The following FAM114A1 variants were observed in gnomAD, a reference collection of about 807,000 sequenced individuals.
FAM114A1 encodes family with sequence similarity 114 member A1.
Under a neutral mutation model 64.3 loss-of-function variants are expected in FAM114A1, and 62 were observed. That is an observed-to-expected ratio of 0.96 (90% confidence interval 0.79 to 1.19). The LOEUF is 1.19. FAM114A1 is among the 50% of genes most tolerant of loss of function. FAM114A1 has a pLI of 0.00. For missense variants in FAM114A1, 645 were observed against 676.3 expected, an observed-to-expected ratio of 0.95 and a Z score of 0.51; for synonymous variants, 254 against 251.1, an observed-to-expected ratio of 1.01 and a Z score of -0.11.
At chr4:38,901,534 C>G (rs974109314) in intron 4 of FAM114A1, among the ~76,000 whole-genome samples, 2 of 152,156 alleles carry the variant, frequency 1.3e-5, no homozygotes, top group Non-Finnish European at 2.9e-5. Flanking sequence ...TCAGGTGATC[C>G]GCCTACCTCG....
chr4:38,905,471 C>A, intron 4 of FAM114A1, 51 bp from the exon 5 acceptor site: 2 of 1,299,414 alleles, frequency 1.5e-6, no homozygotes, highest in Non-Finnish European at 2.2e-6. Context: ...GGAGGATTTG[C>A]AGACCGTGGA....
Position 38,929,053 on chromosome 4 carries a change from C to T in FAM114A1, c.1070-189C>T, listed in dbSNP as rs975874502. On this transcript the variant is annotated intron_variant, in intron 9 of 14. Coordinates refer to ENST00000358869, the MANE Select transcript of FAM114A1 (RefSeq NM_138389.4). ...AGCAAGACTTCAGCGGCCCTGCACC[C>T]GGATGCATCTGCTGCCTCACTGCCA... 5.3e-5 allele frequency: 30 copies of T among 569,590 alleles called. 1 individual carries two copies. Among genetic ancestry groups the T allele is most frequent in the East Asian group, 5.0e-4 (16 of 32,138 alleles). The allele number at this position is 569,590 out of a possible 1,614,324, so 35.3% of individuals were successfully genotyped here. A position where few individuals can be genotyped will look rare whatever the true frequency, so the allele number is the denominator to read the frequency against.
At chr4:38,881,417 C>T (rs369288034) in intron 3 of FAM114A1, among the ~76,000 whole-genome samples, 1 of 152,070 alleles carries the variant, frequency 6.6e-6, no homozygotes, top group Non-Finnish European at 1.5e-5. Flanking sequence ...TAGAGCACCA[C>T]GGAATTACCT....
intron 2 of FAM114A1, among the ~76,000 whole-genome samples, chr4:38,872,310 T>C (rs1291269238): frequency 6.6e-6 from 1 of 152,204 alleles, no homozygotes; most frequent in Non-Finnish European, 1.5e-5. Context: ...TCACATAGTA[T>C]ATGCTGAACT....
intron 8 of FAM114A1, among the ~76,000 whole-genome samples, chr4:38,921,162 T>G (rs1425567875): frequency 6.6e-6 from 1 of 152,222 alleles, no homozygotes; most frequent in African/African-American, 2.4e-5. Flanking sequence ...AAATAAAACT[T>G]TACTACTTTA....
chr4:38,912,559 TTTTTAGTAGAGACAGGG>T (rs1376065427), intron 7 of FAM114A1, among the ~76,000 whole-genome samples: 1 of 152,120 alleles, frequency 6.6e-6, no homozygotes, highest in Non-Finnish European at 1.5e-5. Flanking sequence ...ATTTTTTGAA[TTTTTAGTAGAGACAGGG>T]TTTCATCATA....
chr4:38,920,693 T>G (rs905694060), intron 8 of FAM114A1, among the ~76,000 whole-genome samples: 4 of 152,142 alleles, frequency 2.6e-5, no homozygotes, highest in Non-Finnish European at 4.4e-5. Context: ...TCAAACACAT[T>G]TATTCAATAA....
intron 14 of FAM114A1, among the ~76,000 whole-genome samples, chr4:38,941,966 G>A (rs931940303): frequency 9.8e-5 from 15 of 152,304 alleles, no homozygotes; most frequent in African/African-American, 2.4e-4. Context: ...ACAATTCCAC[G>A]TGGCTGGGGA....
At chr4:38,923,596 T>A (rs9995323) in intron 9 of FAM114A1, among the ~76,000 whole-genome samples, 2 of 152,082 alleles carry the variant, frequency 1.3e-5, no homozygotes, top group Non-Finnish European at 2.9e-5. Flanking sequence ...GGCAAATCTT[T>A]CCCTGAATTT....
intron 2 of FAM114A1, among the ~76,000 whole-genome samples, chr4:38,869,893 A>G (rs1230382370): frequency 6.6e-6 from 1 of 152,204 alleles, no homozygotes; most frequent in Admixed American, 6.5e-5. Context: ...TTGAAAGATG[A>G]AGGCAGTCCT....
intron 11 of FAM114A1, 74 bp from the exon 12 acceptor site, chr4:38,932,161 T>C: frequency 6.7e-7 from 1 of 1,488,384 alleles, no homozygotes; most frequent in Non-Finnish European, 9.1e-7. Context: ...TTATATCACT[T>C]CTAATGTCAC....
At chr4:38,912,315 A>G (rs886768571) in intron 7 of FAM114A1, among the ~76,000 whole-genome samples, 10 of 152,098 alleles carry the variant, frequency 6.6e-5, no homozygotes, top group African/African-American at 2.4e-4. Flanking sequence ...TAGTGGGAAA[A>G]TAGAACCAGC....
intron 8 of FAM114A1, among the ~76,000 whole-genome samples, chr4:38,916,901 CTA>C (rs1469837308): frequency 3.9e-5 from 6 of 152,128 alleles, no homozygotes; most frequent in Non-Finnish European, 8.8e-5. Flanking sequence ...ATTCACATGA[CTA>C]TTGACAACAA....
At chr4:38,890,231 C>T (rs1716197309) in intron 3 of FAM114A1, among the ~76,000 whole-genome samples, 1 of 151,862 alleles carries the variant, frequency 6.6e-6, no homozygotes, top group Non-Finnish European at 1.5e-5. Flanking sequence ...GGTGAAACCT[C>T]GTCTCTACTA....
chr4:38,909,530 A>G (rs935351380), intron 7 of FAM114A1, among the ~76,000 whole-genome samples: 28 of 150,476 alleles, frequency 1.9e-4, no homozygotes, highest in Admixed American at 5.9e-4. Context: ...ATAGTTAAGA[A>G]AATTGGAAAT....
intron 13 of FAM114A1, among the ~76,000 whole-genome samples, chr4:38,937,301 A>G (rs1409669757): frequency 2.0e-5 from 3 of 152,286 alleles, no homozygotes; most frequent in East Asian, 1.9e-4. Context: ...CAAAGCCTCT[A>G]GGATTCTTTC....
chr4:38,906,579 G>A (rs936002874), intron 6 of FAM114A1, among the ~76,000 whole-genome samples: 4 of 152,122 alleles, frequency 2.6e-5, no homozygotes, highest in African/African-American at 9.7e-5. Context: ...TTGTCACCTA[G>A]GCTGGCGTGC....
Position 38,905,764 on chromosome 4 carries a change from C to G in FAM114A1, c.560C>G (p.Ala187Gly), listed in dbSNP as rs765447912. Reference sequence around the variant, plus strand: ...TCTTTTTTCTCTTTAGTAACAGATGCAGCCACAGATCAGGGCCCTGCAGAA... The same window carrying G: ...TCTTTTTTCTCTTTAGTAACAGATGGAGCCACAGATCAGGGCCCTGCAGAA... ...TENGVPEITD[A>G]ATDQGPAESP... The change falls in exon 6 of 15, where the codon GCA becomes GGA. Residue 187 changes from alanine (A) to glycine (G), a missense_variant. Transcript: ENST00000358869. 1.2e-6 allele frequency: 2 copies of G among 1,612,652 alleles called. No individual in the cohort carries two copies. Among genetic ancestry groups the G allele is most frequent in the South Asian group, 1.1e-5 (1 of 90,892 alleles).
At chr4:38,912,419 C>A (rs977476762) in intron 7 of FAM114A1, among the ~76,000 whole-genome samples, 1 of 152,130 alleles carries the variant, frequency 6.6e-6, no homozygotes, top group Non-Finnish European at 1.5e-5. Flanking sequence ...GAGTCTCACT[C>A]TGTCACCCAG....
Sources: allele counts gnomAD v4.1 joint callset (sites outside exome capture counted in the v4.1 genomes callset), GRCh38; gene constraint gnomAD v4.1.1; transcripts MANE v1.5; gene names NCBI Gene and HGNC (gene_info 2026-07-23, HGNC 2026-07-21).